The following NKAIN2 variants were observed in gnomAD, a reference collection of about 807,000 sequenced individuals.
The protein encoded by NKAIN2 is sodium/potassium-transporting ATPase subunit beta-1-interacting protein 2.
A neutral mutation model predicts 32.6 loss-of-function variants in NKAIN2; 14 were observed. That is an observed-to-expected ratio of 0.43 (90% CI 0.28 to 0.67). NKAIN2 has a LOEUF of 0.67. Among genes scored for constraint, NKAIN2 ranks in the 30% least tolerant of loss-of-function variants. NKAIN2 has a pLI of 0.17. For synonymous variants in NKAIN2, 80 were observed against 87.2 expected (o/e 0.92, Z 0.46); for missense variants, 198 against 258.3 (o/e 0.77, Z 1.60).
In NKAIN2 at chr6:123,892,486, G is replaced by GAGACTCA. The variant is rs1263698636; in HGVS notation, c.54+88232_54+88233insAGACTCA. Among the ~76,000 whole-genome samples, 4 of 92,194 alleles carry GAGACTCA rather than the reference G, an allele frequency of 4.3e-5. No homozygotes were observed. In the East Asian group the frequency reaches 1.2e-3, roughly 29 times the overall value. The allele number at this position is 92,194 out of a possible 152,430, so 60.5% of individuals were successfully genotyped here. On this transcript the variant is annotated intron_variant, in intron 1 of 6. Transcript: ENST00000368417. ...AAAAACATCAGCTCTCATGAGACTCGCTATCATGAGAACAGCATGGGGGAA... is the reference window on the plus strand; with the variant it reads ...AAAAACATCAGCTCTCATGAGACTCGAGACTCACTATCATGAGAACAGCATGGGGGAA...
intron 1 of NKAIN2, among the ~76,000 whole-genome samples, chr6:124,091,292 A>C (rs1456158400): frequency 6.6e-6 from 1 of 151,988 alleles, no homozygotes; most frequent in Non-Finnish European, 1.5e-5. Flanking sequence ...GGCACATGAA[A>C]ACACTATGTC....
At chr6:123,910,809 A>G (rs1335127741) in intron 1 of NKAIN2, among the ~76,000 whole-genome samples, 1 of 151,884 alleles carries the variant, frequency 6.6e-6, no homozygotes, top group Non-Finnish European at 1.5e-5. Flanking sequence ...CGGCCAATGC[A>G]TGCTTTTAAA....
intron 1 of NKAIN2, among the ~76,000 whole-genome samples, chr6:124,039,991 CTT>C (rs1781792100): frequency 6.6e-6 from 1 of 151,946 alleles, no homozygotes; most frequent in Non-Finnish European, 1.5e-5. Context: ...ACCCTCAACA[CTT>C]AACACAGAAC....
intron 3 of NKAIN2, among the ~76,000 whole-genome samples, chr6:124,368,476 A>G (rs1365012495): frequency 6.6e-6 from 1 of 151,912 alleles, no homozygotes; most frequent in African/African-American, 2.4e-5. Flanking sequence ...CAAGAACCCC[A>G]TTTTCTTTTT....
At chr6:123,898,815 T>C (rs1374793296) in intron 1 of NKAIN2, among the ~76,000 whole-genome samples, 1 of 152,114 alleles carries the variant, frequency 6.6e-6, no homozygotes, top group Non-Finnish European at 1.5e-5. Context: ...TAACTTAGAC[T>C]CACCTCCAGT....
chr6:124,502,221 G>A (rs545894512), intron 3 of NKAIN2, among the ~76,000 whole-genome samples: 83 of 152,132 alleles, frequency 5.5e-4, no homozygotes, highest in Admixed American at 7.2e-4. Context: ...AGAGATAGTA[G>A]CATGCCAGGA....
chr6:124,790,649 C>T (rs1437146270), intron 4 of NKAIN2, among the ~76,000 whole-genome samples: 5 of 152,066 alleles, frequency 3.3e-5, no homozygotes, highest in Admixed American at 3.3e-4. Context: ...TACAAAAACA[C>T]CCAATCTGAG....
chr6:124,556,724 T>C (rs1780490019), intron 3 of NKAIN2, among the ~76,000 whole-genome samples: 1 of 152,190 alleles, frequency 6.6e-6, no homozygotes, highest in Non-Finnish European at 1.5e-5. Flanking sequence ...CACAAAACTG[T>C]ATGAGTTAGT....
chr6:123,997,594 A>G (rs1582903433), intron 1 of NKAIN2, among the ~76,000 whole-genome samples: 1 of 116,618 alleles, frequency 8.6e-6, no homozygotes, highest in Admixed American at 9.1e-5. Flanking sequence ...ACTGGAGTTT[A>G]TTCTTTTTTT....
intron 1 of NKAIN2, among the ~76,000 whole-genome samples, chr6:123,925,603 A>G (rs868687472): frequency 6.6e-6 from 1 of 152,210 alleles, no homozygotes; most frequent in African/African-American, 2.4e-5. Context: ...CAGTCATTTC[A>G]TGATGAAACA....
At chr6:123,826,302 A>G (rs1774145223) in intron 1 of NKAIN2, among the ~76,000 whole-genome samples, 1 of 152,130 alleles carries the variant, frequency 6.6e-6, no homozygotes, top group African/African-American at 2.4e-5. Context: ...TCTATTTTTT[A>G]TGTTTTACTT....
intron 3 of NKAIN2, among the ~76,000 whole-genome samples, chr6:124,476,065 A>AGTGT (rs61191593): frequency 1.4e-3 from 192 of 132,540 alleles, no homozygotes; most frequent in African/African-American, 4.5e-3. Context: ...AGAGAGAGAG[A>AGTGT]GTGTGTGTGT....
intron 1 of NKAIN2, among the ~76,000 whole-genome samples, chr6:124,064,483 GT>G (rs911769808): frequency 1.8e-4 from 27 of 148,030 alleles, no homozygotes; most frequent in African/African-American, 3.2e-4. Context: ...CATTCTGTGG[GT>G]TTTTTTTTTC....
intron 2 of NKAIN2, among the ~76,000 whole-genome samples, chr6:124,349,983 C>A (rs1187568688): frequency 6.6e-6 from 1 of 152,170 alleles, no homozygotes; most frequent in Non-Finnish European, 1.5e-5. Context: ...TAGAATTTTT[C>A]TCTCATCACA....
intron 3 of NKAIN2, chr6:124,490,266 TCAC>T (rs1777809104): frequency 1.0e-5 from 4 of 385,402 alleles, no homozygotes; most frequent in Non-Finnish European, 2.0e-5. Flanking sequence ...GGGTATGTTA[TCAC>T]CACCAATTAC....
At chr6:124,132,936 A>G (rs1786550640) in intron 1 of NKAIN2, among the ~76,000 whole-genome samples, 1 of 152,214 alleles carries the variant, frequency 6.6e-6, no homozygotes, top group South Asian at 2.1e-4. Flanking sequence ...GTATCACACC[A>G]TGGGACAAAA....
At chr6:123,942,043 C>T (rs558039109) in intron 1 of NKAIN2, among the ~76,000 whole-genome samples, 8 of 152,058 alleles carry the variant, frequency 5.3e-5, no homozygotes, top group Admixed American at 3.9e-4. Flanking sequence ...AGCTAGTTGA[C>T]TTTTGCTAAC....
At position 124,369,231 on chromosome 6, in the gene NKAIN2, C is replaced by T. The variant is rs184865192; in HGVS notation, c.273+13884C>T. ...GGATAGTAATTTTTATTCTGTCCCC[C>T]ATTTTAAAAACCTGTGCTTGTATAG... On this transcript the variant is annotated intron_variant, in intron 3 of 6. Transcript: ENST00000368417. Among the ~76,000 whole-genome samples the T allele has an allele frequency of 2.4e-4, 37 of 152,220 alleles. No homozygotes were observed. In the East Asian group the frequency reaches 7.1e-3, roughly 29 times the overall value.
chr6:124,407,603 C>A (rs908357602), intron 3 of NKAIN2, among the ~76,000 whole-genome samples: 1 of 152,014 alleles, frequency 6.6e-6, no homozygotes, highest in Non-Finnish European at 1.5e-5. Context: ...CATTGTTGGA[C>A]ATTTGGGTTG....
Sources: allele counts gnomAD v4.1 joint callset (sites outside exome capture counted in the v4.1 genomes callset), GRCh38; gene constraint gnomAD v4.1.1; transcripts MANE v1.5; gene names NCBI Gene and HGNC (gene_info 2026-07-23, HGNC 2026-07-21).